Variants in OCM observed in about 807,000 individuals in gnomAD.
The protein encoded by OCM is oncomodulin-1.
Under a neutral mutation model 14.1 loss-of-function variants are expected in OCM, and 18 were observed. The ratio of observed to expected loss-of-function variants is 1.28; its 90% confidence interval spans 0.88 to 1.89. OCM has a LOEUF of 1.89. Among genes scored for constraint, OCM ranks in the 40% most tolerant of loss-of-function variants. The probability of loss-of-function intolerance (pLI) is 0.00; values close to 1 mark genes in which losing one functional copy is unlikely to be tolerated. For missense variants in OCM, 140 were observed against 137.6 expected (o/e 1.02, Z -0.09); for synonymous variants, 48 against 51.0 (o/e 0.94, Z 0.25).
upstream of OCM, among the ~76,000 whole-genome samples, chr7:5,879,093 C>A (rs938809928): frequency 6.6e-6 from 1 of 151,960 alleles, no homozygotes; most frequent in African/African-American, 2.4e-5. Flanking sequence ...ACCAGCTACT[C>A]GGGAGACTGA....
chr7:5,864,932 C>G, the OCM span, among the ~76,000 whole-genome samples: 1 of 151,794 alleles, frequency 6.6e-6, no homozygotes, highest in African/African-American at 2.4e-5. Flanking sequence ...GAGTGAAACT[C>G]CCTCTCAAAA....
At chr7:5,862,749 C>G in the OCM span, among the ~76,000 whole-genome samples, 1 of 151,728 alleles carries the variant, frequency 6.6e-6, no homozygotes, top group Admixed American at 6.6e-5. Flanking sequence ...TACTCCTTTT[C>G]AAGTTTACTT....
At chr7:5,871,171 A>G in the OCM span, among the ~76,000 whole-genome samples, 1 of 108,182 alleles carries the variant, frequency 9.2e-6, no homozygotes, top group Non-Finnish European at 1.8e-5. Context: ...ACATAGTGAG[A>G]GCCCCCCCCC....
intron 1 of OCM, 34 bp from the exon 2 acceptor site, chr7:5,882,459 C>T (rs1781236914): frequency 6.3e-7 from 1 of 1,599,176 alleles, no homozygotes; most frequent in Non-Finnish European, 8.5e-7. Context: ...TGTGATCCAA[C>T]AAGCGTCAGA....
intron 2 of OCM, among the ~76,000 whole-genome samples, chr7:5,883,303 A>G (rs111529499): frequency 0.077 from 11,692 of 152,214 alleles, 495 homozygotes; most frequent in South Asian, 0.11. Flanking sequence ...GTGAGCCCAG[A>G]TCGTGCAGCT....
chr7:5,863,690 G>A, the OCM span, among the ~76,000 whole-genome samples: 3 of 151,928 alleles, frequency 2.0e-5, no homozygotes, highest in African/African-American at 7.3e-5. Context: ...GCACCACCAC[G>A]CCCAGCTAAT....
upstream of OCM, among the ~76,000 whole-genome samples, chr7:5,880,554 C>G (rs568004247): frequency 2.6e-5 from 4 of 152,066 alleles, no homozygotes; most frequent in South Asian, 8.3e-4. Context: ...AGGTCAGGAG[C>G]TCAAGACCAG....
rs1046819713 is a variant in OCM, at chr7:5,886,165, C to T, written c.*76C>T. ...TTCCAAAGCCCTGGGAATGGGGAAC[C>T]CCACATCCCATCCCTACCTAATTTG... On this transcript the variant is annotated 3_prime_UTR_variant, in exon 4 of 4. Coordinates refer to ENST00000242104, the MANE Select transcript of OCM (RefSeq NM_001097622.2). 2.2e-6 allele frequency: 3 copies of T among 1,378,004 alleles called. No individual in the cohort carries two copies. The African/African-American group carries it at 4.3e-5, about 20-fold the overall frequency. 85.4% of individuals were successfully genotyped at this position (1,378,004 alleles called of 1,614,324 possible).
chr7:5,860,847 T>TACATAC, the OCM span, among the ~76,000 whole-genome samples: 1 of 145,170 alleles, frequency 6.9e-6, no homozygotes, highest in Non-Finnish European at 1.5e-5. Flanking sequence ...TATATACACA[T>TACATAC]ACATATACAT....
upstream of OCM, among the ~76,000 whole-genome samples, chr7:5,875,148 G>A (rs1220964892): frequency 2.0e-5 from 3 of 151,064 alleles, no homozygotes; most frequent in Admixed American, 6.6e-5. Flanking sequence ...TCCACCTCCC[G>A]GGTTCAAGCA....
chr7:5,884,881 A>C (rs1342054941), intron 3 of OCM, among the ~76,000 whole-genome samples: 1 of 152,120 alleles, frequency 6.6e-6, no homozygotes, highest in East Asian at 1.9e-4. Flanking sequence ...GCAATTTTGG[A>C]GGCCAAGGTG....
the OCM span, among the ~76,000 whole-genome samples, chr7:5,859,905 C>T: frequency 2.3e-4 from 35 of 152,116 alleles, no homozygotes; most frequent in Non-Finnish European, 4.4e-4. Context: ...CCAGGCTGGT[C>T]TTGAACTCCT....
At chr7:5,885,125 G>GT (rs1781305933) in intron 3 of OCM, among the ~76,000 whole-genome samples, 1 of 147,730 alleles carries the variant, frequency 6.8e-6, no homozygotes, top group East Asian at 2.0e-4. Flanking sequence ...TATCTCAAAA[G>GT]AAAAAAAAAA....
At chr7:5,870,788 A>G in the OCM span, among the ~76,000 whole-genome samples, 3 of 152,184 alleles carry the variant, frequency 2.0e-5, no homozygotes, top group Admixed American at 6.5e-5. Context: ...GTCTTGGCCA[A>G]TGTTTAATCT....
intron 1 of OCM, 56 bp from the exon 2 acceptor site, chr7:5,882,437 C>T: frequency 6.3e-7 from 1 of 1,592,618 alleles, no homozygotes; most frequent in Non-Finnish European, 8.6e-7. Context: ...GTACCTTGGC[C>T]CCAACATAGA....
intron 3 of OCM, among the ~76,000 whole-genome samples, chr7:5,884,431 C>G (rs1781291668): frequency 6.6e-6 from 1 of 152,170 alleles, no homozygotes; most frequent in African/African-American, 2.4e-5. Flanking sequence ...TCTTCGTCTT[C>G]AAGGGTTTAG....
chr7:5,873,385 A>AT, the OCM span, among the ~76,000 whole-genome samples: 3 of 151,890 alleles, frequency 2.0e-5, no homozygotes, highest in African/African-American at 4.8e-5. Flanking sequence ...CTCAAAAAAA[A>AT]TTTTTTTTTA....
At chr7:5,876,956 C>T (rs1781108185), upstream of OCM, among the ~76,000 whole-genome samples, 1 of 152,180 alleles carries the variant, frequency 6.6e-6, no homozygotes, top group Admixed American at 6.5e-5. Flanking sequence ...CAGGCATGCG[C>T]CACCATGCTC....
At chr7:5,881,799 A>G (rs1426141262) in intron 1 of OCM, among the ~76,000 whole-genome samples, 1 of 151,952 alleles carries the variant, frequency 6.6e-6, no homozygotes, top group Admixed American at 6.6e-5. Context: ...GCAAGACATC[A>G]CTGAAAGGCC....
Sources: gnomAD v4.1 joint callset for allele counts (sites outside exome capture counted in the v4.1 genomes callset) on GRCh38, gnomAD v4.1.1 for gene constraint, MANE v1.5 for transcripts, NCBI Gene and HGNC (gene_info 2026-07-23, HGNC 2026-07-21) for gene names.